Variants in NCOA7 observed in about 807,000 individuals in gnomAD.
NCOA7 encodes nuclear receptor coactivator 7.
NCOA7 carries 45 observed loss-of-function variants against 104.3 expected under a neutral mutation model. The observed-to-expected ratio is 0.43, with a 90% CI of 0.34 to 0.55. NCOA7 has a LOEUF of 0.55. Ranked by LOEUF, NCOA7 falls within the 20% of genes least tolerant of loss-of-function variation. NCOA7 has a pLI of 0.02. For synonymous variants in NCOA7, 398 were observed against 402.3 expected (o/e 0.99, Z 0.13); for missense variants, 1,041 against 1,119.7 (o/e 0.93, Z 1.00).
At chr6:125,904,942 C>T (rs1255903779) in intron 10 of NCOA7, among the ~76,000 whole-genome samples, 1 of 152,248 alleles carries the variant, frequency 6.6e-6, no homozygotes, top group Non-Finnish European at 1.5e-5. Context: ...GGACCCAGTA[C>T]TTGACCCAGT....
At chr6:125,922,091 C>G (rs111859441) in intron 12 of NCOA7, among the ~76,000 whole-genome samples, 30 of 152,286 alleles carry the variant, frequency 2.0e-4, no homozygotes, top group Non-Finnish European at 3.8e-4. Context: ...ATTTTAAGCA[C>G]TCTGAAGACT....
chr6:125,903,905 A>G (rs1450476774), intron 10 of NCOA7, among the ~76,000 whole-genome samples: 3 of 152,096 alleles, frequency 2.0e-5, no homozygotes, highest in Non-Finnish European at 4.4e-5. Flanking sequence ...ACAGGGTTTC[A>G]CCATATTGGA....
At chr6:125,877,390 A>T (rs1783471974) in intron 4 of NCOA7, among the ~76,000 whole-genome samples, 2 of 152,200 alleles carry the variant, frequency 1.3e-5, no homozygotes. Flanking sequence ...AACTTATACC[A>T]GTCTTGACCC....
At chr6:125,787,951 G>T (rs555183045), upstream of NCOA7, among the ~76,000 whole-genome samples, 1 of 152,024 alleles carries the variant, frequency 6.6e-6, no homozygotes, top group Admixed American at 6.5e-5. Flanking sequence ...TATCCTTTAC[G>T]GATAAAGCAA....
At chr6:125,834,790 A>T (rs1779477060) in intron 2 of NCOA7, among the ~76,000 whole-genome samples, 2 of 152,210 alleles carry the variant, frequency 1.3e-5, no homozygotes, top group Admixed American at 6.5e-5. Context: ...AGCAGTTACA[A>T]GTTGATTTTT....
At position 125,886,771 on chromosome 6, in the gene NCOA7, A is replaced by G. The variant is rs191578827; in HGVS notation, c.884+1428A>G. The stretch of plus-strand genomic sequence containing the variant: ...TACTTAAAACATCATTATTACCAAA[A>G]GTTTAATGATAAAACAATAAGTACA... On this transcript the variant is annotated intron_variant, in intron 8 of 15. Coordinates refer to ENST00000392477, the MANE Select transcript of NCOA7 (RefSeq NM_181782.5). 4.4e-3 allele frequency among the ~76,000 whole-genome samples: 670 copies of G among 152,388 alleles called. 5 individuals carry two copies. The highest frequency in any genetic ancestry group is 6.6e-3 in the Non-Finnish European group (450 of 68,040).
Position 125,878,327 on chromosome 6 carries a change from T to C in NCOA7, c.416T>C (p.Val139Ala), listed in dbSNP as rs747504000. Residue 139 changes from valine (V) to alanine (A), a missense_variant, in exon 5 of 16, where the codon GTG becomes GCG. Around this residue, in one of 2 missense-constraint regions of NCOA7, gnomAD observed 914 missense variants for 942.7 expected, o/e 0.97. Transcript: ENST00000392477. The stretch of plus-strand genomic sequence containing the variant: ...TTTAACATCACTCCCAATAAATTGG[T>C]GGAACTGAATAAACTTTTCACACAT... ...LKFNITPNKL[V>A]ELNKLFTHTI... is the part of the protein sequence containing the mutation. 4 of 1,612,864 alleles carry C rather than the reference T, an allele frequency of 2.5e-6. No individual in the cohort carries two copies. Among genetic ancestry groups the C allele is most frequent in the Non-Finnish European group, 3.4e-6 (4 of 1,179,452 alleles).
intron 2 of NCOA7, among the ~76,000 whole-genome samples, chr6:125,821,243 C>G (rs1416069305): frequency 6.6e-6 from 1 of 152,138 alleles, no homozygotes; most frequent in Non-Finnish European, 1.5e-5. Flanking sequence ...TCCAGATTAT[C>G]TTCATACCAA....
intron 10 of NCOA7, among the ~76,000 whole-genome samples, chr6:125,896,292 A>G (rs868479549): frequency 6.6e-6 from 1 of 152,090 alleles, no homozygotes; most frequent in Non-Finnish European, 1.5e-5. Flanking sequence ...ACCCACCAGC[A>G]TAAGAGTATC....
chr6:125,904,418 C>T (rs1314333788), intron 10 of NCOA7, among the ~76,000 whole-genome samples: 2 of 152,166 alleles, frequency 1.3e-5, no homozygotes, highest in Non-Finnish European at 2.9e-5. Flanking sequence ...CAGAAATCAC[C>T]AGTGATCTGA....
At chr6:125,882,676 A>G (rs1783941725) in intron 7 of NCOA7, 125 bp downstream of exon 7, 8 of 1,156,472 alleles carry the variant, frequency 6.9e-6, no homozygotes, top group Non-Finnish European at 7.1e-6. Context: ...AGGTTTGACA[A>G]GCATCCATTA....
chr6:125,900,935 G>A (rs962330027), intron 10 of NCOA7, among the ~76,000 whole-genome samples: 1 of 152,140 alleles, frequency 6.6e-6, no homozygotes, highest in Non-Finnish European at 1.5e-5. Context: ...TTCCAGCCAG[G>A]CCATTAGGAC....
chr6:125,781,511 A>G (rs1774226736), intron 1 of NCOA7: 1 of 152,212 alleles, frequency 6.6e-6, no homozygotes, highest in South Asian at 2.1e-4. Flanking sequence ...AATAAGATAG[A>G]AAAATCATCA....
At chr6:125,872,128 T>C (rs1008753760) in intron 3 of NCOA7, among the ~76,000 whole-genome samples, 5 of 152,226 alleles carry the variant, frequency 3.3e-5, no homozygotes, top group African/African-American at 1.2e-4. Flanking sequence ...TGTTTTGTTT[T>C]TCCTTTAGTA....
At chr6:125,817,780 T>C (rs1777730905) in intron 2 of NCOA7, among the ~76,000 whole-genome samples, 2 of 152,242 alleles carry the variant, frequency 1.3e-5, no homozygotes, top group Admixed American at 6.5e-5. Context: ...TTTCTCCTTT[T>C]ATGAATTGTG....
chr6:125,895,048 C>T (rs555458061), intron 10 of NCOA7, among the ~76,000 whole-genome samples: 2 of 152,192 alleles, frequency 1.3e-5, no homozygotes, highest in Admixed American at 1.3e-4. Context: ...CCTCAATTGT[C>T]TTTTTCCCCC....
At chr6:125,800,950 G>A (rs188860101) in intron 1 of NCOA7, among the ~76,000 whole-genome samples, 1 of 152,290 alleles carries the variant, frequency 6.6e-6, no homozygotes, top group East Asian at 1.9e-4. Context: ...CAGGAGAATC[G>A]CTTGAACGAG....
intron 11 of NCOA7, chr6:125,919,239 T>C: frequency 2.5e-6 from 4 of 1,602,756 alleles, no homozygotes; most frequent in South Asian, 1.1e-5. Flanking sequence ...TGCAGGAAAC[T>C]AGATACTGAG....
rs545721542 is a variant in NCOA7, at chr6:125,781,701, T to A, written c.-142+330T>A. Among the ~76,000 whole-genome samples the A allele has an allele frequency of 2.0e-5, 3 of 152,348 alleles. 1 individual carries two copies. The South Asian group carries it at 6.2e-4, about 32-fold the overall frequency. On this transcript the variant is annotated intron_variant, in intron 1 of 16. Coordinates refer to the NCOA7 transcript ENST00000368357. The stretch of plus-strand genomic sequence containing the variant: ...AAGCAGATATTAGTTTAAATTTGTA[T>A]AGGTTTAGTCACAATATTTTACACA...
Sources: allele counts gnomAD v4.1 joint callset (sites outside exome capture counted in the v4.1 genomes callset), GRCh38; gene constraint gnomAD v4.1.1; regional missense constraint gnomAD v4.1.1; transcripts MANE v1.5; gene names NCBI Gene and HGNC (gene_info 2026-07-23, HGNC 2026-07-21).